Variants in ABCA1 observed in about 807,000 individuals in gnomAD.
The protein encoded by ABCA1 is phospholipid-transporting ATPase ABCA1.
Under a neutral mutation model 262.5 loss-of-function variants are expected in ABCA1, and 133 were observed. The ratio of observed to expected loss-of-function variants is 0.51; its 90% CI spans 0.44 to 0.59. The LOEUF (loss-of-function observed/expected upper bound fraction) is 0.59, where lower values mean the gene tolerates loss of function less well. Among genes scored for constraint, ABCA1 ranks in the 20% least tolerant of loss-of-function variants. ABCA1 has a pLI of 0.00. For missense variants in ABCA1, 2,452 were observed against 2,777.5 expected, an observed-to-expected ratio of 0.88 and a Z score of 2.63; for synonymous variants, 1,022 against 1,043.5, an observed-to-expected ratio of 0.98 and a Z score of 0.40.
At chr9:104,819,491 T>G in intron 22 of ABCA1, 95 bp downstream of exon 22, 1 of 1,570,584 alleles carries the variant, frequency 6.4e-7, no homozygotes, top group Non-Finnish European at 8.7e-7. Context: ...ATCCCATGGC[T>G]TCACAGAAGC....
At chr9:104,871,925 G>A (rs1837646542) in intron 5 of ABCA1, among the ~76,000 whole-genome samples, 1 of 152,172 alleles carries the variant, frequency 6.6e-6, no homozygotes, top group South Asian at 2.1e-4. Context: ...AGCCTGCAGG[G>A]CCCTGAGAAG....
chr9:104,872,310 C>T (rs981273879), intron 5 of ABCA1, among the ~76,000 whole-genome samples: 11 of 152,182 alleles, frequency 7.2e-5, no homozygotes, highest in African/African-American at 2.7e-4. Context: ...AGCTTTGGTT[C>T]TTTCCACTAT....
chr9:104,899,064 C>T (rs1743388467), intron 2 of ABCA1, among the ~76,000 whole-genome samples: 1 of 152,186 alleles, frequency 6.6e-6, no homozygotes, highest in Admixed American at 6.5e-5. Flanking sequence ...GCTAACCATA[C>T]CACAAGTAAT....
chr9:104,786,939 C>A lies in ABCA1; in HGVS notation c.6242G>T (p.Arg2081Leu). 6.2e-7 allele frequency: 1 copy of A among 1,613,998 alleles called. No individual in the cohort carries two copies. The highest frequency in any genetic ancestry group is 8.5e-7 in the Non-Finnish European group (1 of 1,179,984). Residue 2081 changes from arginine to leucine, a missense_variant, in exon 47 of 50, where the codon CGG becomes CTG. Physicochemically the swap from Arg to Leu is moderately radical, Grantham distance 102. Transcript: ENST00000374736. ...PTTGMDPKAR[R>L]FLWNCALSVV... is the part of the protein sequence containing the mutation. ...ACTTAGGGCACAATTCCACAAGAAC[C>A]GCCGGGCTTTGGGATCCATGCCTGT...
chr9:104,873,571 A>G lies in ABCA1; in HGVS notation c.421+9468T>C, dbSNP rs142538768. On this transcript the variant is annotated intron_variant, in intron 5 of 49. Coordinates refer to ENST00000374736, the MANE Select transcript of ABCA1 (RefSeq NM_005502.4). ...TACTCAGAGCTGCTCTCTTTAGGAT[A>G]TAACAACAACAGAGCACGAGAAACT... Among the ~76,000 whole-genome samples the G allele has an allele frequency of 1.6e-3, 251 of 152,330 alleles. 1 individual carries two copies. The highest frequency in any genetic ancestry group is 5.9e-3 in the African/African-American group (244 of 41,582).
At chr9:104,855,235 C>CTCAGAA in intron 7 of ABCA1, 1 of 883,736 alleles carries the variant, frequency 1.1e-6, no homozygotes, top group Non-Finnish European at 1.4e-6. Context: ...CTCACTCTGT[C>CTCAGAA]ACGCTGGCTG....
chr9:104,865,308 T>C (rs1052847473), intron 5 of ABCA1, among the ~76,000 whole-genome samples: 1 of 152,008 alleles, frequency 6.6e-6, no homozygotes, highest in Non-Finnish European at 1.5e-5. Context: ...GCAGATCACT[T>C]GAGGTCAGGA....
intron 26 of ABCA1, 61 bp from the exon 27 acceptor site, chr9:104,814,292 C>T: frequency 3.2e-6 from 5 of 1,577,864 alleles, no homozygotes; most frequent in Non-Finnish European, 4.4e-6. Context: ...AAACCTTCCC[C>T]ATCTGCAACA....
chr9:104,893,546 C>A (rs1839959879), intron 2 of ABCA1, among the ~76,000 whole-genome samples: 1 of 148,742 alleles, frequency 6.7e-6, no homozygotes, highest in Admixed American at 6.7e-5. Context: ...AGCTCTGAAA[C>A]TACCATTTGT....
intron 20 of ABCA1, among the ~76,000 whole-genome samples, chr9:104,820,864 C>T (rs988178813): frequency 6.6e-6 from 1 of 152,172 alleles, no homozygotes. Flanking sequence ...ACCTCTACAG[C>T]TCAACCATTC....
In ABCA1 at chr9:104,792,859, ACATCTT is replaced by A; in HGVS notation, c.5678_5683del (p.Glu1893_Asp1894del). 1 of 1,614,110 alleles carries A rather than the reference ACATCTT, an allele frequency of 6.2e-7. No homozygotes were observed. Among genetic ancestry groups the A allele is most frequent in the Non-Finnish European group, 8.5e-7 (1 of 1,180,004 alleles). ...AAGAATTCTCTGTCTTTCCCGCCTCACATCTTCATCTTCATCATTCAGAGGAGATAG... is the reference window on the plus strand; with the variant it reads ...AAGAATTCTCTGTCTTTCCCGCCTCACATCTTCATCATTCAGAGGAGATAG... On this transcript the variant is annotated inframe_deletion, in exon 42 of 50. Transcript: ENST00000374736.
At chr9:104,862,622 A>C in intron 5 of ABCA1, among the ~76,000 whole-genome samples, 1 of 133,666 alleles carries the variant, frequency 7.5e-6, no homozygotes, top group Non-Finnish European at 1.6e-5. Context: ...AGCTTGTTAA[A>C]ATGCAGACTG....
Position 104,784,166 on chromosome 9 carries a change from A to C in ABCA1, c.*149T>G. ...ATGGAATTTTGTTTTCATTGCATTG[A>C]ATTGCATTGCATTGAATAGTATCAG... On this transcript the variant is annotated 3_prime_UTR_variant, in exon 50 of 50. Transcript: ENST00000374736. 1.0e-6 allele frequency: 1 copy of C among 1,001,296 alleles called. No individual in the cohort carries two copies. The highest frequency in any genetic ancestry group is 1.5e-5 in the South Asian group (1 of 66,078). 62.0% of individuals were successfully genotyped at this position (1,001,296 alleles called of 1,614,324 possible). A position where few individuals can be genotyped will look rare whatever the true frequency, so the allele number is the denominator to read the frequency against.
rs1343360548 is a variant in ABCA1 at position 104,829,979 on chromosome 9, CACAT to C, written c.1893-845_1893-842del. Among the ~76,000 whole-genome samples, 4 of 146,960 alleles carry C rather than the reference CACAT, an allele frequency of 2.7e-5. No homozygotes were observed. In the East Asian group the frequency reaches 8.3e-4, roughly 30 times the overall value. On this transcript the variant is annotated intron_variant, in intron 14 of 49. Coordinates refer to ENST00000374736, the MANE Select transcript of ABCA1 (RefSeq NM_005502.4). ...ACACACACACACACACACACACACA[CACAT>C]CCCACCACCACCACCAACCACAGAG...
intron 2 of ABCA1, among the ~76,000 whole-genome samples, chr9:104,893,349 G>A (rs1037126328): frequency 7.2e-6 from 1 of 139,370 alleles, no homozygotes; most frequent in Admixed American, 7.9e-5. Context: ...TTGAACCCAG[G>A]AGACAGAGGT....
At chr9:104,801,936 T>A in intron 34 of ABCA1, 118 bp downstream of exon 34, 1 of 929,032 alleles carries the variant, frequency 1.1e-6, no homozygotes, top group South Asian at 1.4e-5. Flanking sequence ...GACGGCTCTG[T>A]ATGCCAACAT....
At chr9:104,812,517 C>T (rs112576543) in intron 28 of ABCA1, 57 bp downstream of exon 28, 2 of 1,611,180 alleles carry the variant, frequency 1.2e-6, no homozygotes, top group African/African-American at 2.7e-5. Context: ...TCACTGGTCA[C>T]AGAGCCTGCA....
intron 3 of ABCA1, among the ~76,000 whole-genome samples, chr9:104,888,226 C>T (rs1188389677): frequency 6.6e-6 from 1 of 152,136 alleles, no homozygotes; most frequent in East Asian, 1.9e-4. Flanking sequence ...CCTGGAAGAA[C>T]AGTATCTCAT....
At chr9:104,842,923 C>T (rs145359296) in intron 8 of ABCA1, among the ~76,000 whole-genome samples, 1,684 of 152,314 alleles carry the variant, frequency 0.011, 15 homozygotes, top group Non-Finnish European at 0.018. Flanking sequence ...TCTCCTCCCC[C>T]CACCACTTGC....
Sources: allele counts gnomAD v4.1 joint callset (sites outside exome capture counted in the v4.1 genomes callset), GRCh38; gene constraint gnomAD v4.1.1; transcripts MANE v1.5; gene names NCBI Gene and HGNC (gene_info 2026-07-23, HGNC 2026-07-21).